The following SMOC2 variants were observed in gnomAD, a reference collection of about 807,000 sequenced individuals.
SMOC2 encodes SPARC related modular calcium binding 2.
In SMOC2, 39 loss-of-function variants were observed where a neutral mutation model predicts 61.4. The ratio of observed to expected loss-of-function variants is 0.64; its 90% CI spans 0.49 to 0.83. The LOEUF (loss-of-function observed/expected upper bound fraction) is 0.83. SMOC2 is among the 40% of genes least tolerant of loss of function. The pLI, the probability that SMOC2 is intolerant of heterozygous loss-of-function variation, is 0.00. For synonymous variants in SMOC2, 247 were observed against 239.9 expected (o/e 1.03, Z -0.27); for missense variants, 556 against 592.9 (o/e 0.94, Z 0.65).
Position 168,549,352 on chromosome 6 carries a change from A to T in SMOC2, c.637+149A>T, listed in dbSNP as rs1784079736. 1.5e-5 allele frequency: 10 copies of T among 663,050 alleles called. No individual in the cohort carries two copies. In the South Asian group the frequency reaches 2.0e-4, roughly 13 times the overall value. 41.1% of individuals were successfully genotyped at this position (663,050 alleles called of 1,614,324 possible). ...GCAGACCTGGCACAAACATCTGAGG[A>T]TAACTTTCAACTCCCCCCAAAATAA... On this transcript the variant is annotated intron_variant, in intron 7 of 12. Transcript: ENST00000356284.
chr6:168,565,697 A>T (rs1452133562), intron 7 of SMOC2, among the ~76,000 whole-genome samples: 5 of 152,224 alleles, frequency 3.3e-5, no homozygotes, highest in Non-Finnish European at 7.3e-5. Context: ...AAGGCTCAGC[A>T]TGGAGCTGAA....
chr6:168,560,399 C>CA (rs1472618138), intron 7 of SMOC2, among the ~76,000 whole-genome samples: 2 of 152,238 alleles, frequency 1.3e-5, no homozygotes, highest in Non-Finnish European at 1.5e-5. Flanking sequence ...ATGGAAGAGT[C>CA]ATGGTTACTG....
rs774451415 is a variant in SMOC2, at chr6:168,664,054, T to A, written c.1286-20T>A. ...AATGAGTCTCTGATTTTTAATAATA[T>A]CTTTTTTTTTTCCTGCTAGCCCCCA... On this transcript the variant is annotated intron_variant, in intron 11 of 12. Transcript: ENST00000356284. 1.9e-6 allele frequency: 3 copies of A among 1,583,334 alleles called. No individual in the cohort carries two copies. The highest frequency in any genetic ancestry group is 3.4e-5 in the Admixed American group (2 of 58,590).
At chr6:168,619,853 T>C (rs1338974101) in intron 9 of SMOC2, among the ~76,000 whole-genome samples, 1 of 152,214 alleles carries the variant, frequency 6.6e-6, no homozygotes, top group Non-Finnish European at 1.5e-5. Context: ...AGCCAGTGCC[T>C]GCCATGGTTA....
intron 7 of SMOC2, among the ~76,000 whole-genome samples, chr6:168,558,781 G>A (rs773848716): frequency 2.1e-4 from 31 of 149,222 alleles, no homozygotes; most frequent in Admixed American, 3.3e-4. Flanking sequence ...GTGCACATGC[G>A]TATGTGTGGG....
intron 9 of SMOC2, among the ~76,000 whole-genome samples, chr6:168,612,230 CTGCAGCCTTTACTCAAACAGCAG>C: frequency 6.8e-6 from 1 of 147,060 alleles, no homozygotes. Flanking sequence ...GAGAGGGTGA[CTGCAGCCTTTACTCAAACAGCAG>C]CGCTGGGTTC....
rs1409781885 is a variant in SMOC2 at position 168,535,632 on chromosome 6, A to G, written c.463+7905A>G. Among the ~76,000 whole-genome samples, 1 of 152,228 alleles carries G rather than the reference A, an allele frequency of 6.6e-6. No homozygotes were observed. Among genetic ancestry groups the G allele is most frequent in the Admixed American group, 6.5e-5 (1 of 15,286 alleles). Reference sequence around the variant, plus strand: ...AAGCCGGTGCCACAAAGTCCACCGAAACCCTCCTCCAAGTCCATAAATAAC... The same window carrying G: ...AAGCCGGTGCCACAAAGTCCACCGAGACCCTCCTCCAAGTCCATAAATAAC... On this transcript the variant is annotated intron_variant, in intron 4 of 12. Transcript: ENST00000356284. This position sits in a 1 kb window ranked among gnomAD's most constrained non-coding sequence, Gnocchi z 4.6.
intron 1 of SMOC2, 128 bp downstream of exon 1, chr6:168,441,582 G>A (rs1781208961): frequency 7.9e-7 from 1 of 1,271,304 alleles, no homozygotes; most frequent in Non-Finnish European, 1.0e-6. Context: ...CCCGGGGGCC[G>A]TGGAGCCTTC....
intron 7 of SMOC2, among the ~76,000 whole-genome samples, chr6:168,555,317 C>T (rs569398040): frequency 1.2e-3 from 179 of 152,362 alleles, no homozygotes; most frequent in African/African-American, 4.2e-3. Context: ...TGTCTCCACC[C>T]GTCAAATATC....
chr6:168,597,204 G>T (rs78143959), intron 7 of SMOC2, among the ~76,000 whole-genome samples: 1 of 152,290 alleles, frequency 6.6e-6, no homozygotes, highest in Non-Finnish European at 1.5e-5. Context: ...GACACAAAAC[G>T]TATGCTTTTA....
At chr6:168,494,211 G>A (rs1393612002) in intron 1 of SMOC2, among the ~76,000 whole-genome samples, 1 of 152,190 alleles carries the variant, frequency 6.6e-6, no homozygotes, top group Non-Finnish European at 1.5e-5. Context: ...ACATGGCAAA[G>A]CTAAGAGCAG....
At chr6:168,606,245 G>C (rs1562377380) in intron 8 of SMOC2, among the ~76,000 whole-genome samples, 1 of 152,166 alleles carries the variant, frequency 6.6e-6, no homozygotes, top group African/African-American at 2.4e-5. Context: ...CGCCTTTCTT[G>C]TGACCTCTTG....
chr6:168,562,768 C>T (rs1425636528), intron 7 of SMOC2, among the ~76,000 whole-genome samples: 1 of 152,180 alleles, frequency 6.6e-6, no homozygotes, highest in Non-Finnish European at 1.5e-5. Context: ...TGTTTTATCA[C>T]GTGATGGTCC....
chr6:168,626,037 G>T (rs1786400787), intron 9 of SMOC2, among the ~76,000 whole-genome samples: 1 of 152,198 alleles, frequency 6.6e-6, no homozygotes, highest in African/African-American at 2.4e-5. Context: ...TTCTAAGAAA[G>T]CTAAGAGGCC....
chr6:168,605,572 T>C (rs1157275100), intron 8 of SMOC2, among the ~76,000 whole-genome samples: 1 of 152,166 alleles, frequency 6.6e-6, no homozygotes, highest in Non-Finnish European at 1.5e-5. Context: ...CATGTAAATA[T>C]ATATTTTTAT....
At position 168,652,974 on chromosome 6, in the gene SMOC2, G is replaced by T. The variant is rs201052599; in HGVS notation, c.1031G>T (p.Ser344Ile). The part of the protein sequence containing the change: ...SSGRLSEPDP[S>I]HTLEERVVHW... ...TCCAGGCTCTCAGAACCCGACCCCAGCCATACCCTAGAGGAGCGGGTGGTG... is the reference window on the plus strand; with the variant it reads ...TCCAGGCTCTCAGAACCCGACCCCATCCATACCCTAGAGGAGCGGGTGGTG... Residue 344 changes from serine (S) to isoleucine (I), a missense_variant, in exon 11 of 13, where the codon AGC (serine) becomes ATC (isoleucine). Transcript: ENST00000356284. The T allele has an allele frequency of 3.1e-6, 5 of 1,613,844 alleles. No homozygotes were observed. The highest frequency in any genetic ancestry group is 2.5e-6 in the Non-Finnish European group (3 of 1,179,938).
At chr6:168,497,078 G>T (rs1008129793) in intron 1 of SMOC2, among the ~76,000 whole-genome samples, 6 of 152,200 alleles carry the variant, frequency 3.9e-5, no homozygotes, top group Admixed American at 3.9e-4. Context: ...TGAGTGTAAA[G>T]CTATGCGAGA....
intron 2 of SMOC2, among the ~76,000 whole-genome samples, chr6:168,518,771 G>C (rs1360221851): frequency 3.3e-5 from 5 of 150,466 alleles, no homozygotes. Flanking sequence ...TCATGTGCGT[G>C]TGTGCATGTG....
At chr6:168,455,608 G>T (rs1020653691) in intron 1 of SMOC2, among the ~76,000 whole-genome samples, 1 of 152,106 alleles carries the variant, frequency 6.6e-6, no homozygotes, top group African/African-American at 2.4e-5. Flanking sequence ...CCTTATAAAG[G>T]TTACACAGAT....
Sources: gnomAD v4.1 joint callset for allele counts (sites outside exome capture counted in the v4.1 genomes callset) on GRCh38, gnomAD v4.1.1 for gene constraint, Gnocchi (gnomAD v3.1) non-coding constraint, MANE v1.5 for transcripts, NCBI Gene and HGNC (gene_info 2026-07-23, HGNC 2026-07-21) for gene names.